ENPEP: variants seen among roughly 807,000 people sequenced by gnomAD.
ENPEP encodes the protein AP-A.
ENPEP carries 103 observed loss-of-function variants against 114.5 expected under a neutral mutation model. The observed-to-expected ratio is 0.90, with a 90% CI of 0.77 to 1.06. ENPEP has a LOEUF of 1.06. Among genes scored for constraint, ENPEP ranks in the 50% least tolerant of loss-of-function variants. The probability of loss-of-function intolerance (pLI) is 0.00; values close to 1 mark genes in which losing one functional copy is unlikely to be tolerated. For missense variants in ENPEP, 1,196 were observed against 1,161.3 expected, an observed-to-expected ratio of 1.03 and a Z score of -0.43; for synonymous variants, 420 against 422.0, an observed-to-expected ratio of 1.00 and a Z score of 0.06.
chr4:110,476,769 G>A lies in ENPEP; in HGVS notation c.355G>A (p.Val119Met), dbSNP rs1304122286. 1.9e-6 allele frequency: 3 copies of A among 1,614,080 alleles called. No individual in the cohort carries two copies. The highest frequency in any genetic ancestry group is 1.7e-6 in the Non-Finnish European group (2 of 1,180,038). ...LLEEDTYTGT[V>M]SISINLSAPT... ...GGAGGAGGACACCTACACGGGCACC[G>A]TGAGCATCTCCATCAACCTGAGCGC... The change falls in exon 1 of 20, where the codon GTG becomes ATG. Residue 119 changes from valine to methionine, a missense_variant. Coordinates refer to ENST00000265162, the MANE Select transcript of ENPEP (RefSeq NM_001977.4).
intron 10 of ENPEP, among the ~76,000 whole-genome samples, chr4:110,526,696 G>A (rs1374066670): frequency 6.6e-6 from 1 of 152,148 alleles, no homozygotes; most frequent in Non-Finnish European, 1.5e-5. Flanking sequence ...CTCTCCTCTT[G>A]CTGCACTGTG....
rs1039603653 is a variant in ENPEP, at chr4:110,520,381, T to A, written c.1727+15T>A. ...TCAGATCTTGGGTAAGGCTCTATAA[T>A]GCATTGAAAAAAACACAGAAATTTG... is the stretch of plus-strand genomic sequence containing the variant. On this transcript the variant is annotated intron_variant, in intron 10 of 19. Coordinates refer to ENST00000265162, the MANE Select transcript of ENPEP (RefSeq NM_001977.4). 1.2e-6 allele frequency: 2 copies of A among 1,612,324 alleles called. No individual in the cohort carries two copies. The highest frequency in any genetic ancestry group is 1.7e-6 in the Non-Finnish European group (2 of 1,179,226).
At position 110,488,531 on chromosome 4, in the gene ENPEP, T is replaced by A. The variant is rs1425524171; in HGVS notation, c.645-10T>A. 1.2e-6 allele frequency: 2 copies of A among 1,600,172 alleles called. No homozygotes were observed. The highest frequency in any genetic ancestry group is 1.7e-6 in the Non-Finnish European group (2 of 1,174,488). ...CATGCATTTCGTTTGTTTGTTTGTTTGTTTCTAAGGAGCATAGTGGCCACC... is the reference window on the plus strand; with the variant it reads ...CATGCATTTCGTTTGTTTGTTTGTTAGTTTCTAAGGAGCATAGTGGCCACC... On this transcript the variant is annotated splice_polypyrimidine_tract_variant and intron_variant, in intron 1 of 19. Coordinates refer to ENST00000265162, the MANE Select transcript of ENPEP (RefSeq NM_001977.4).
chr4:110,502,857 G>A (rs1725212861), intron 3 of ENPEP, among the ~76,000 whole-genome samples: 1 of 151,960 alleles, frequency 6.6e-6, no homozygotes, highest in African/African-American at 2.4e-5. Context: ...ATTGCTTTGG[G>A]CAGTATGGCC....
chr4:110,515,630 T>C, intron 8 of ENPEP, 188 bp downstream of exon 8: 1 of 626,264 alleles, frequency 1.6e-6, no homozygotes, highest in Non-Finnish European at 2.9e-6. Flanking sequence ...TCTGTAATGA[T>C]CATTTAGCAG....
At position 110,488,546 on chromosome 4, in the gene ENPEP, T is replaced by C. The variant is rs773121479; in HGVS notation, c.650T>C (p.Ile217Thr). The change falls in exon 2 of 20, where the codon ATA becomes ACA. Residue 217 changes from isoleucine (I) to threonine (T), a missense_variant. Coordinates refer to ENST00000265162, the MANE Select transcript of ENPEP (RefSeq NM_001977.4). ...TTTGTTTGTTTGTTTCTAAGGAGCA[T>C]AGTGGCCACCGATCATGAACCAACA... ...TYTENGQVKSIVATDHEPTDA... is the reference protein window; with the variant it reads ...TYTENGQVKSTVATDHEPTDA... 7.4e-6 allele frequency: 12 copies of C among 1,610,748 alleles called. 1 individual carries two copies. Among genetic ancestry groups the C allele is most frequent in the Middle Eastern group, 1.7e-4 (1 of 6,054 alleles).
intron 3 of ENPEP, among the ~76,000 whole-genome samples, chr4:110,498,942 C>A (rs1218473401): frequency 6.6e-6 from 1 of 152,126 alleles, no homozygotes; most frequent in Non-Finnish European, 1.5e-5. Flanking sequence ...GTTAAAAACC[C>A]TGTGGTTTGC....
intron 8 of ENPEP, chr4:110,519,132 C>G (rs1449640705): frequency 2.2e-6 from 1 of 455,590 alleles, no homozygotes; most frequent in Admixed American, 2.4e-5. Context: ...ATGGAGGCAG[C>G]ATTCCAAAGT....
intron 18 of ENPEP, among the ~76,000 whole-genome samples, chr4:110,557,112 G>T (rs1390772199): frequency 6.6e-6 from 1 of 152,162 alleles, no homozygotes; most frequent in East Asian, 1.9e-4. Flanking sequence ...AGAATAGGAA[G>T]ATCTGATGGT....
intron 2 of ENPEP, 30 bp from the exon 3 acceptor site, chr4:110,491,003 C>T (rs765685097): frequency 1.5e-5 from 24 of 1,592,484 alleles, no homozygotes; most frequent in Admixed American, 5.4e-5. Flanking sequence ...ATATTTTGAT[C>T]GATAAAAGTT....
chr4:110,528,110 T>G (rs983850725), intron 10 of ENPEP, among the ~76,000 whole-genome samples: 1 of 152,224 alleles, frequency 6.6e-6, no homozygotes, highest in Non-Finnish European at 1.5e-5. Context: ...TGTCTTCAGT[T>G]TCCACCTTCA....
chr4:110,522,704 A>T (rs1726047739), intron 10 of ENPEP, among the ~76,000 whole-genome samples: 1 of 152,226 alleles, frequency 6.6e-6, no homozygotes. Context: ...CCCTGAATGC[A>T]AGAAGCGAAT....
At chr4:110,491,251 T>C (rs74510778) in intron 3 of ENPEP, 87 bp downstream of exon 3, 1 of 1,265,202 alleles carries the variant, frequency 7.9e-7, no homozygotes, top group Non-Finnish European at 1.1e-6. Context: ...TTTTTTTTTT[T>C]TCAAACAACA....
intron 11 of ENPEP, among the ~76,000 whole-genome samples, chr4:110,536,997 T>G (rs985734583): frequency 2.0e-5 from 3 of 152,142 alleles, no homozygotes; most frequent in Non-Finnish European, 4.4e-5. Context: ...TGCAATTGCC[T>G]TATGTGTAAA....
intron 13 of ENPEP, among the ~76,000 whole-genome samples, chr4:110,547,887 CTTTTG>C (rs1167445566): frequency 1.3e-5 from 2 of 151,850 alleles, no homozygotes; most frequent in South Asian, 4.1e-4. Context: ...AGCTAAATGG[CTTTTG>C]TTTTATTTGA....
At chr4:110,502,212 T>C (rs910476216) in intron 3 of ENPEP, among the ~76,000 whole-genome samples, 3 of 152,212 alleles carry the variant, frequency 2.0e-5, no homozygotes, top group Non-Finnish European at 2.9e-5. Context: ...TTTGCAAATA[T>C]TTTCTCTCAT....
At chr4:110,487,250 A>T (rs550345627) in intron 1 of ENPEP, among the ~76,000 whole-genome samples, 1 of 152,386 alleles carries the variant, frequency 6.6e-6, no homozygotes, top group African/African-American at 2.4e-5. Flanking sequence ...GCAAAGGCAG[A>T]CTGGTCCCCA....
In ENPEP at chr4:110,564,441, G is replaced by A. The variant is rs1727766516; in HGVS notation, c.*2883G>A. Reference sequence around the variant, plus strand: ...CTATAAAGTAAGGATCAAAATAGTAGCTACCTCAATGGTAGTTGTGAGGAT... The same window carrying A: ...CTATAAAGTAAGGATCAAAATAGTAACTACCTCAATGGTAGTTGTGAGGAT... On this transcript the variant is annotated 3_prime_UTR_variant, in exon 20 of 20. Coordinates refer to ENST00000265162, the MANE Select transcript of ENPEP (RefSeq NM_001977.4). 6.6e-6 allele frequency: 1 copy of A among 152,138 alleles called. No individual in the cohort carries two copies. The highest frequency in any genetic ancestry group is 1.5e-5 in the Non-Finnish European group (1 of 68,018). 9.4% of individuals were successfully genotyped at this position (152,138 alleles called of 1,614,324 possible). A position where few individuals can be genotyped will look rare whatever the true frequency, so the allele number is the denominator to read the frequency against.
At chr4:110,509,838 T>A (rs1402139945) in intron 5 of ENPEP, 31 bp downstream of exon 5, 1 of 1,595,374 alleles carries the variant, frequency 6.3e-7, no homozygotes, top group African/African-American at 1.4e-5. Flanking sequence ...ATCAGCTTGT[T>A]TTTTTAAAGT....
Sources: gnomAD v4.1 joint callset for allele counts (sites outside exome capture counted in the v4.1 genomes callset) on GRCh38, gnomAD v4.1.1 for gene constraint, MANE v1.5 for transcripts, NCBI Gene and HGNC (gene_info 2026-07-23, HGNC 2026-07-21) for gene names.